Variants in IQCH observed in about 807,000 individuals in gnomAD.
The protein encoded by IQCH is IQ domain-containing protein H.
Under a neutral mutation model 117.0 loss-of-function variants are expected in IQCH, and 98 were observed. The observed-to-expected ratio is 0.84, with a 90% CI of 0.71 to 0.99. The LOEUF (loss-of-function observed/expected upper bound fraction) is 0.99. IQCH is among the 50% of genes least tolerant of loss of function. IQCH has a pLI of 0.00. For synonymous variants in IQCH, 412 were observed against 448.2 expected (o/e 0.92, Z 1.02); for missense variants, 1,102 against 1,243.8 (o/e 0.89, Z 1.72).
At chr15:67,289,956 A>C (rs1966695925) in intron 4 of IQCH, among the ~76,000 whole-genome samples, 1 of 152,100 alleles carries the variant, frequency 6.6e-6, no homozygotes, top group African/African-American at 2.4e-5. Flanking sequence ...ATTCTTCCAA[A>C]TCACTTTTGG....
In IQCH at chr15:67,276,603, C is replaced by T. The variant is rs115424264; in HGVS notation, c.270-2792C>T. ...CTTCACTTTTGAAGGATAATTTTTG[C>T]AGGTTAGTGGGTTTTTTCTTTCCAC... is the stretch of plus-strand genomic sequence containing the variant. On this transcript the variant is annotated intron_variant, in intron 3 of 20. Coordinates refer to ENST00000335894, the MANE Select transcript of IQCH (RefSeq NM_001031715.3). Among the ~76,000 whole-genome samples, 783 of 152,010 alleles carry T rather than the reference C, an allele frequency of 5.2e-3. 6 individuals are homozygous for T. Among genetic ancestry groups the T allele is most frequent in the African/African-American group, 0.018 (738 of 41,486 alleles).
intron 15 of IQCH, among the ~76,000 whole-genome samples, chr15:67,418,038 T>C (rs1248683498): frequency 6.6e-6 from 1 of 152,182 alleles, no homozygotes; most frequent in Non-Finnish European, 1.5e-5. Context: ...CAAAGCTTCC[T>C]ACCCATCCTA....
At chr15:67,295,941 T>A (rs1183345509) in intron 4 of IQCH, among the ~76,000 whole-genome samples, 3 of 152,212 alleles carry the variant, frequency 2.0e-5, no homozygotes, top group Non-Finnish European at 2.9e-5. Context: ...CTAATTGTTG[T>A]CTCCTCAGAG....
chr15:67,296,367 T>C (rs1458061835), intron 4 of IQCH, among the ~76,000 whole-genome samples: 3 of 152,130 alleles, frequency 2.0e-5, no homozygotes, highest in Non-Finnish European at 4.4e-5. Context: ...GCGTGTTGTA[T>C]GTGGTCATTG....
chr15:67,256,198 T>C (rs1481587649), intron 1 of IQCH, among the ~76,000 whole-genome samples: 2 of 152,096 alleles, frequency 1.3e-5, no homozygotes, highest in Admixed American at 1.3e-4. Context: ...TAGGACAGAG[T>C]CCAGGAGGGG....
At position 67,276,535 on chromosome 15, in the gene IQCH, A is replaced by G. The variant is rs548787912; in HGVS notation, c.270-2860A>G. ...CTTGCAAGACAGATCTCAGGCAACAAATTCTCTTAGTTGTTATTTGTCTCA... is the reference window on the plus strand; with the variant it reads ...CTTGCAAGACAGATCTCAGGCAACAGATTCTCTTAGTTGTTATTTGTCTCA... On this transcript the variant is annotated intron_variant, in intron 3 of 20. Transcript: ENST00000335894. Among the ~76,000 whole-genome samples, 18 of 152,300 alleles carry G rather than the reference A, an allele frequency of 1.2e-4. No homozygotes were observed. The East Asian group carries it at 2.7e-3, about 23-fold the overall frequency.
In IQCH at chr15:67,364,922, T is replaced by A. The variant is rs2140764125; in HGVS notation, c.753+5037T>A. ...TTGCTTGACATTAAATTATAAATGT[T>A]ACATTATTAATAAATAATTGTTTTT... On this transcript the variant is annotated intron_variant, in intron 8 of 20. Coordinates refer to ENST00000335894, the MANE Select transcript of IQCH (RefSeq NM_001031715.3). The surrounding 1 kb of genome is among the most constrained non-coding windows in gnomAD (Gnocchi z 4.1). 1.3e-5 allele frequency among the ~76,000 whole-genome samples: 2 copies of A among 152,330 alleles called. No individual in the cohort carries two copies. Among genetic ancestry groups the A allele is most frequent in the South Asian group, 4.1e-4 (2 of 4,828 alleles).
At chr15:67,311,635 C>T (rs958555045) in intron 4 of IQCH, among the ~76,000 whole-genome samples, 5 of 149,762 alleles carry the variant, frequency 3.3e-5, no homozygotes, top group African/African-American at 7.3e-5. Context: ...CAATTATATA[C>T]ATATAGGTAC....
At chr15:67,310,645 A>G (rs974778086) in intron 4 of IQCH, among the ~76,000 whole-genome samples, 1 of 152,142 alleles carries the variant, frequency 6.6e-6, no homozygotes, top group Non-Finnish European at 1.5e-5. Flanking sequence ...CCATATCATG[A>G]TAGTGTAGCA....
chr15:67,497,972 T>C (rs2083869556), intron 20 of IQCH, among the ~76,000 whole-genome samples: 1 of 152,144 alleles, frequency 6.6e-6, no homozygotes, highest in African/African-American at 2.4e-5. Flanking sequence ...CTTATCAGAA[T>C]CCCAGCTGGC....
intron 17 of IQCH, among the ~76,000 whole-genome samples, chr15:67,468,341 T>C (rs2082984677): frequency 6.6e-6 from 1 of 152,356 alleles, no homozygotes; most frequent in Non-Finnish European, 1.5e-5. Flanking sequence ...ATTATGATGT[T>C]AATAATGATT....
chr15:67,266,030 C>G (rs1047587780), intron 3 of IQCH, among the ~76,000 whole-genome samples: 9 of 152,124 alleles, frequency 5.9e-5, no homozygotes, highest in Non-Finnish European at 2.9e-5. Context: ...GGAGACTTAA[C>G]TTTCCTTAAG....
chr15:67,458,490 A>G lies in IQCH; in HGVS notation c.2506-6637A>G, dbSNP rs1178053724. ...CTTCCTAACTGGACTCCCTGTTTCC[A>G]TCCTTGCCCCCTCAGGGCCTCTTGT... is the stretch of plus-strand genomic sequence containing the variant. On this transcript the variant is annotated intron_variant, in intron 16 of 20. Transcript: ENST00000335894. The surrounding 1 kb of genome is among the most constrained non-coding windows in gnomAD (Gnocchi z 4.1). Among the ~76,000 whole-genome samples, 5 of 152,178 alleles carry G rather than the reference A, an allele frequency of 3.3e-5. No homozygotes were observed. Among genetic ancestry groups the G allele is most frequent in the African/African-American group, 7.2e-5 (3 of 41,432 alleles).
intron 4 of IQCH, among the ~76,000 whole-genome samples, chr15:67,299,078 C>CAAAAAAA (rs36031731): frequency 9.3e-6 from 1 of 107,064 alleles, no homozygotes. Context: ...TATATTCAGC[C>CAAAAAAA]AAAAAAAAAA....
chr15:67,348,362 C>CAT, intron 6 of IQCH, among the ~76,000 whole-genome samples: 1 of 151,602 alleles, frequency 6.6e-6, no homozygotes, highest in South Asian at 2.1e-4. Context: ...CCATCACACA[C>CAT]ACACACACAC....
chr15:67,287,420 A>G (rs1365100632), intron 4 of IQCH, among the ~76,000 whole-genome samples: 2 of 152,124 alleles, frequency 1.3e-5, no homozygotes, highest in Non-Finnish European at 2.9e-5. Context: ...TTGCTGGAAG[A>G]TGTTTTATTA....
chr15:67,319,031 TC>T (rs1186611978), intron 4 of IQCH, among the ~76,000 whole-genome samples: 1 of 152,032 alleles, frequency 6.6e-6, no homozygotes, highest in Non-Finnish European at 1.5e-5. Context: ...CTCGAGACCA[TC>T]CTGGCGAACA....
At chr15:67,477,569 C>G (rs17232873) in intron 18 of IQCH, among the ~76,000 whole-genome samples, 6,705 of 152,188 alleles carry the variant, frequency 0.044, 254 homozygotes, top group South Asian at 0.17. Flanking sequence ...AATGAAGAAG[C>G]CAGATTGAAC....
chr15:67,372,790 G>A (rs534726439), intron 9 of IQCH, 128 bp downstream of exon 9: 77 of 714,766 alleles, frequency 1.1e-4, no homozygotes, highest in South Asian at 4.8e-4. Flanking sequence ...AGACTCCCAC[G>A]CCTTTCACTC....
Sources: allele counts gnomAD v4.1 joint callset (sites outside exome capture counted in the v4.1 genomes callset), GRCh38; gene constraint gnomAD v4.1.1; non-coding constraint Gnocchi (gnomAD v3.1); transcripts MANE v1.5; gene names NCBI Gene and HGNC (gene_info 2026-07-23, HGNC 2026-07-21).